The following INTS13 variants were observed in gnomAD, a reference collection of about 807,000 sequenced individuals.
INTS13 encodes the protein asunder, spermatogenesis regulator homolog (Drosphila).
Under a neutral mutation model 90.2 loss-of-function variants are expected in INTS13, and 35 were observed. The ratio of observed to expected loss-of-function variants is 0.39; its 90% confidence interval spans 0.30 to 0.51. The LOEUF (loss-of-function observed/expected upper bound fraction) is 0.51. Ranked by LOEUF, INTS13 falls within the 20% of genes least tolerant of loss-of-function variation. The pLI, the probability that INTS13 is intolerant of heterozygous loss-of-function variation, is 0.80. For missense variants in INTS13, 601 were observed against 851.2 expected, an observed-to-expected ratio of 0.71 and a Z score of 3.66; for synonymous variants, 309 against 277.1, an observed-to-expected ratio of 1.11 and a Z score of -1.14.
At chr12:26,927,890 A>G (rs1385984413) in intron 5 of INTS13, among the ~76,000 whole-genome samples, 1 of 152,226 alleles carries the variant, frequency 6.6e-6, no homozygotes, top group Non-Finnish European at 1.5e-5. Flanking sequence ...TGCTGGGATA[A>G]CAGGCATAAG....
intron 12 of INTS13, 24 bp from the exon 13 acceptor site, chr12:26,914,152 A>G: frequency 6.5e-7 from 1 of 1,541,666 alleles, no homozygotes; most frequent in South Asian, 1.3e-5. Context: ...TTTAAAGAAA[A>G]AAGAAAATCT....
intron 15 of INTS13, 40 bp downstream of exon 15, chr12:26,911,138 A>G (rs1173841346): frequency 3.2e-6 from 5 of 1,582,858 alleles, no homozygotes; most frequent in Non-Finnish European, 3.4e-6. Context: ...CCCGGCCTGG[A>G]AAACTTTTTA....
chr12:26,906,179 G>T, intron 16 of INTS13, 123 bp downstream of exon 16: 1 of 921,800 alleles, frequency 1.1e-6, no homozygotes, highest in Non-Finnish European at 1.6e-6. Flanking sequence ...CTGCTTATGG[G>T]GAACATGTAT....
rs750227542 is a variant in INTS13 at position 26,913,981 on chromosome 12, G to A, written c.1567C>T (p.Pro523Ser). The A allele has an allele frequency of 6.2e-7, 1 of 1,603,074 alleles. No homozygotes were observed. Among genetic ancestry groups the A allele is most frequent in the South Asian group, 1.1e-5 (1 of 87,800 alleles). ...ISTVGTRGKG[P>S]KRDEQYRIMW... ...AAAGAAAAAAAAATGTACCTTTTAGGGCCCTTTCCTCTTGTACCAACTGTG... is the reference window on the plus strand; with the variant it reads ...AAAGAAAAAAAAATGTACCTTTTAGAGCCCTTTCCTCTTGTACCAACTGTG... The change falls in exon 13 of 17, where the codon CCT (proline) becomes TCT (serine). Residue 523 changes from proline (P) to serine (S), a missense_variant. Physicochemically the swap from Pro to Ser is moderately conservative, Grantham distance 74. This residue lies in a region of INTS13 where 228 missense variants were observed against 272.5 expected (regional missense o/e 0.84). Coordinates refer to ENST00000261191, the MANE Select transcript of INTS13 (RefSeq NM_018164.3).
intron 15 of INTS13, among the ~76,000 whole-genome samples, chr12:26,909,009 G>C (rs1323726622): frequency 6.6e-6 from 1 of 152,116 alleles, no homozygotes; most frequent in African/African-American, 2.4e-5. Flanking sequence ...TATGTAACCT[G>C]CTTTAAAAAA....
rs1210142734 is a variant in INTS13 at position 26,928,972 on chromosome 12, A to T, written c.301-67T>A. ...CAATTCAGATAAAAATATCACAAGA[A>T]AGAAAACTACACACCAATGTATCTT... On this transcript the variant is annotated intron_variant, in intron 3 of 16. Transcript: ENST00000261191. 9 of 1,402,184 alleles carry T rather than the reference A, an allele frequency of 6.4e-6. No homozygotes were observed. The African/African-American group carries it at 1.3e-4, about 20-fold the overall frequency. 86.9% of individuals were successfully genotyped at this position (1,402,184 alleles called of 1,614,324 possible).
At position 26,905,519 on chromosome 12, in the gene INTS13, T is replaced by C. The variant is rs967722937; in HGVS notation, c.2099A>G (p.Asn700Ser). Residue 700 changes from asparagine (N) to serine (S), a missense_variant, in exon 17 of 17, where the codon AAT (asparagine) becomes AGT (serine). By Grantham distance (46) the Asn-to-Ser change is conservative. Transcript: ENST00000261191. ...TCTTCACTGCCGGCTGGCTTTTCCA[T>C]TTTCTGTTGTCTCCATCCTGAAATA... is the stretch of plus-strand genomic sequence containing the variant. ...KEENGMETTENGKASRQ is the reference protein window; with the variant it reads ...KEENGMETTESGKASRQ 4.3e-6 allele frequency: 7 copies of C among 1,611,782 alleles called. No homozygotes were observed. In the African/African-American group the frequency reaches 6.7e-5, roughly 15 times the overall value.
At chr12:26,931,397 T>C (rs1429583905) in intron 3 of INTS13, among the ~76,000 whole-genome samples, 2 of 151,968 alleles carry the variant, frequency 1.3e-5, no homozygotes, top group Non-Finnish European at 2.9e-5. Context: ...TGAGCCAAGA[T>C]TGCGCCACTG....
At chr12:26,923,686 A>G (rs1937708837) in intron 7 of INTS13, among the ~76,000 whole-genome samples, 1 of 152,202 alleles carries the variant, frequency 6.6e-6, no homozygotes, top group Admixed American at 6.5e-5. Context: ...TAAAAAATCC[A>G]CCAGTAAAAT....
At chr12:26,928,989 A>C in intron 3 of INTS13, 84 bp from the exon 4 acceptor site, 2 of 1,208,456 alleles carry the variant, frequency 1.7e-6, no homozygotes, top group Non-Finnish European at 2.4e-6. Context: ...CTACACACCA[A>C]TGTATCTTAC....
intron 2 of INTS13, among the ~76,000 whole-genome samples, chr12:26,935,384 C>G (rs1938405780): frequency 6.6e-6 from 1 of 152,202 alleles, no homozygotes; most frequent in Admixed American, 6.5e-5. Flanking sequence ...ACAACACGAT[C>G]TAATCTATGA....
chr12:26,912,942 G>A (rs1360924886), intron 14 of INTS13, among the ~76,000 whole-genome samples: 1 of 151,982 alleles, frequency 6.6e-6, no homozygotes, highest in East Asian at 1.9e-4. Flanking sequence ...TGTTGGCCAG[G>A]CTGGTCTCAA....
chr12:26,930,917 TA>T (rs1938152407), intron 3 of INTS13, among the ~76,000 whole-genome samples: 1 of 152,198 alleles, frequency 6.6e-6, no homozygotes, highest in South Asian at 2.1e-4. Context: ...TTTTTTCAGG[TA>T]ATAGTATATT....
At chr12:26,920,748 C>T (rs762157757) in intron 8 of INTS13, among the ~76,000 whole-genome samples, 1 of 152,088 alleles carries the variant, frequency 6.6e-6, no homozygotes, top group Non-Finnish European at 1.5e-5. Context: ...ATCACAGGTT[C>T]GTAGCAATTT....
chr12:26,925,940 A>G, intron 5 of INTS13, 89 bp from the exon 6 acceptor site: 1 of 868,420 alleles, frequency 1.2e-6, no homozygotes, highest in Non-Finnish European at 1.8e-6. Flanking sequence ...TAACATATTA[A>G]AACATCATAT....
intron 8 of INTS13, among the ~76,000 whole-genome samples, chr12:26,918,816 G>A (rs1014636836): frequency 3.9e-5 from 6 of 152,182 alleles, no homozygotes; most frequent in African/African-American, 1.4e-4. Context: ...AAAACACCAG[G>A]AGAAGTTTCC....
intron 11 of INTS13, among the ~76,000 whole-genome samples, 162 bp downstream of exon 11, chr12:26,915,840 T>A (rs752014469): frequency 1.6e-3 from 248 of 152,188 alleles, no homozygotes; most frequent in Non-Finnish European, 3.0e-3. Context: ...ATAAATAGAA[T>A]TTTTGAGCAA....
rs1472963070 is a variant in INTS13 at position 26,937,865 on chromosome 12, G to A, written c.-81C>T. The stretch of plus-strand genomic sequence containing the variant: ...CACAGCCTCTCTGGAAAAGGCTGCT[G>A]GCTGGGCGGGGAGAGTCAGCGCACA... On this transcript the variant is annotated 5_prime_UTR_variant, in exon 1 of 17. Coordinates refer to ENST00000261191, the MANE Select transcript of INTS13 (RefSeq NM_018164.3). 1 of 152,880 alleles carries A rather than the reference G, an allele frequency of 6.5e-6. No individual in the cohort carries two copies. Among genetic ancestry groups the A allele is most frequent in the Non-Finnish European group, 1.5e-5 (1 of 68,210 alleles). The allele number at this position is 152,880 out of a possible 1,614,324, so 9.5% of individuals were successfully genotyped here. A position where few individuals can be genotyped will look rare whatever the true frequency, so the allele number is the denominator to read the frequency against.
In INTS13 at chr12:26,929,637, G is replaced by A. The variant is rs910959019; in HGVS notation, c.301-732C>T. On this transcript the variant is annotated intron_variant, in intron 3 of 16. Transcript: ENST00000261191. Reference sequence around the variant, plus strand: ...CATAGTCCTAGCTACTTAGAAGACTGAGGCAGAAGGATCGCTTGAGCCCAG... The same window carrying A: ...CATAGTCCTAGCTACTTAGAAGACTAAGGCAGAAGGATCGCTTGAGCCCAG... Among the ~76,000 whole-genome samples, 8 of 151,940 alleles carry A rather than the reference G, an allele frequency of 5.3e-5. No individual in the cohort carries two copies. In the East Asian group the frequency reaches 1.5e-3, roughly 29 times the overall value.
Sources: gnomAD v4.1 joint callset for allele counts (sites outside exome capture counted in the v4.1 genomes callset) on GRCh38, gnomAD v4.1.1 for gene constraint, gnomAD v4.1.1 regional missense constraint, MANE v1.5 for transcripts, NCBI Gene and HGNC (gene_info 2026-07-23, HGNC 2026-07-21) for gene names.